The following SUCO variants were observed in gnomAD, a reference collection of about 807,000 sequenced individuals.
SUCO encodes SUN domain containing ossification factor, also known as SUN domain-containing ossification factor.
SUCO carries 57 observed loss-of-function variants against 148.1 expected under a neutral mutation model. That is an observed-to-expected ratio of 0.38 (90% CI 0.31 to 0.48). The LOEUF (loss-of-function observed/expected upper bound fraction) is 0.48, where lower values mean the gene tolerates loss of function less well. Ranked by LOEUF, SUCO falls within the 20% of genes least tolerant of loss-of-function variation. The pLI, the probability that SUCO is intolerant of heterozygous loss-of-function variation, is 0.96. For synonymous variants in SUCO, 470 were observed against 502.7 expected, an observed-to-expected ratio of 0.93 and a Z score of 0.87; for missense variants, 1,331 against 1,468.2, an observed-to-expected ratio of 0.91 and a Z score of 1.53.
upstream of SUCO, chr1:172,532,891 G>A (rs1444666942): frequency 4.1e-6 from 6 of 1,460,984 alleles, no homozygotes; most frequent in Non-Finnish European, 5.5e-6. Context: ...TGGGGCGGGC[G>A]GAGCGGCGAG....
intron 22 of SUCO, chr1:172,603,338 A>C (rs1657653149): frequency 6.6e-6 from 1 of 152,112 alleles, no homozygotes; most frequent in African/African-American, 2.4e-5. Flanking sequence ...TAATTAATGC[A>C]TATTAATAGA....
intron 11 of SUCO, among the ~76,000 whole-genome samples, chr1:172,576,514 ATTAG>A (rs1174033293): frequency 2.0e-5 from 3 of 151,654 alleles, no homozygotes; most frequent in African/African-American, 4.8e-5. Flanking sequence ...ATTCAAAATT[ATTAG>A]TTCAAAAAAA....
intron 1 of SUCO, among the ~76,000 whole-genome samples, chr1:172,546,735 C>T (rs979270201): frequency 6.6e-6 from 1 of 152,098 alleles, no homozygotes; most frequent in South Asian, 2.1e-4. Flanking sequence ...ATGGCAAAAC[C>T]CCATCTCTTC....
intron 1 of SUCO, chr1:172,543,180 G>A (rs1652615807): frequency 4.8e-6 from 1 of 210,388 alleles, no homozygotes; most frequent in Admixed American, 6.5e-5. Context: ...GCTCCTTGAA[G>A]GATAAAACTT....
chr1:172,593,385 C>T (rs570810127), intron 19 of SUCO, among the ~76,000 whole-genome samples: 39 of 152,246 alleles, frequency 2.6e-4, no homozygotes, highest in African/African-American at 9.2e-4. Flanking sequence ...AGTTTTTGTC[C>T]ATTCAGTATG....
chr1:172,580,076 AGTC>A (rs1655769766), intron 15 of SUCO, among the ~76,000 whole-genome samples: 1 of 152,200 alleles, frequency 6.6e-6, no homozygotes, highest in Non-Finnish European at 1.5e-5. Context: ...TTCAACCAGT[AGTC>A]TAAATACTTA....
chr1:172,602,516 A>G, intron 21 of SUCO, 180 bp from the exon 22 acceptor site: 2 of 983,562 alleles, frequency 2.0e-6, no homozygotes, highest in Non-Finnish European at 2.4e-6. Flanking sequence ...TTAATACAGT[A>G]CCTTTTAGAC....
chr1:172,556,854 G>A, intron 4 of SUCO: 1 of 845,700 alleles, frequency 1.2e-6, no homozygotes, highest in Non-Finnish European at 1.4e-6. Flanking sequence ...ACTGGTTAAT[G>A]AAATGGAGGT....
chr1:172,532,870 T>C, upstream of SUCO: 1 of 1,499,740 alleles, frequency 6.7e-7, no homozygotes, highest in Non-Finnish European at 8.9e-7. Context: ...AGCCAGCAAG[T>C]GGGCGGGACC....
At chr1:172,602,527 A>C (rs1657593807) in intron 21 of SUCO, 169 bp from the exon 22 acceptor site, 1 of 984,190 alleles carries the variant, frequency 1.0e-6, no homozygotes, top group African/African-American at 1.7e-5. Flanking sequence ...CCTTTTAGAC[A>C]AAGATCTCTA....
In SUCO at chr1:172,533,165, C is replaced by T. The variant is rs1202882286; in HGVS notation, c.-271C>T. The T allele has an allele frequency of 1.4e-6, 2 of 1,471,908 alleles. No individual in the cohort carries two copies. Among genetic ancestry groups the T allele is most frequent in the Non-Finnish European group, 1.8e-6 (2 of 1,115,440 alleles). The allele number at this position is 1,471,908 out of a possible 1,614,324, so 91.2% of individuals were successfully genotyped here. ...CGGGGAGGATATGGGGCGGCAGTGG[C>T]GGCTGCAGGAGGCGGGCGTGGACGA... On this transcript the variant is annotated 5_prime_UTR_variant, in exon 1 of 24. Coordinates refer to ENST00000263688, the MANE Select transcript of SUCO (RefSeq NM_014283.5).
intron 22 of SUCO, among the ~76,000 whole-genome samples, chr1:172,605,682 A>G (rs1657824677): frequency 6.6e-6 from 1 of 151,864 alleles, no homozygotes; most frequent in Non-Finnish European, 1.5e-5. Flanking sequence ...AACTTTCTAT[A>G]TAAGCAGTGT....
intron 6 of SUCO, among the ~76,000 whole-genome samples, chr1:172,565,237 A>G (rs770938731): frequency 3.3e-5 from 5 of 152,218 alleles, no homozygotes; most frequent in African/African-American, 4.8e-5. Context: ...GAAAATAGGT[A>G]GCCACTTGTT....
intron 1 of SUCO, among the ~76,000 whole-genome samples, chr1:172,540,824 A>G (rs1050263379): frequency 6.6e-6 from 1 of 152,146 alleles, no homozygotes; most frequent in African/African-American, 2.4e-5. Flanking sequence ...AGAGTTATGA[A>G]TGGAAGAGAT....
At chr1:172,569,425 G>A (rs1654784433) in intron 7 of SUCO, 1 of 980,042 alleles carries the variant, frequency 1.0e-6, no homozygotes, top group Non-Finnish European at 1.2e-6. Flanking sequence ...ATTGAGGCAT[G>A]GAAACTATTT....
intron 22 of SUCO, 22 bp from the exon 23 acceptor site, chr1:172,608,725 T>TA (rs769868166): frequency 6.3e-6 from 1 of 159,746 alleles, no homozygotes. Flanking sequence ...TTACATCTGC[T>TA]TTTTTTTTTT....
Position 172,610,101 on chromosome 1 carries a change from A to C in SUCO, c.3607A>C (p.Lys1203Gln), listed in dbSNP as rs778942351. 6.2e-7 allele frequency: 1 copy of C among 1,613,824 alleles called. No individual in the cohort carries two copies. Among genetic ancestry groups the C allele is most frequent in the Non-Finnish European group, 8.5e-7 (1 of 1,179,830 alleles). ...GACAAAAACTGAGAAGAGGGCTTTA[A>C]AACGAAGACGATCTAAAGTCCAAGA... ...QKTKTEKRAL[K>Q]RRRSKVQDQG... The change falls in exon 24 of 24, where the codon AAA becomes CAA. Residue 1203 changes from lysine to glutamine, a missense_variant. Transcript: ENST00000263688.
At chr1:172,545,869 T>A (rs1294021279) in intron 1 of SUCO, among the ~76,000 whole-genome samples, 1 of 152,210 alleles carries the variant, frequency 6.6e-6, no homozygotes, top group African/African-American at 2.4e-5. Flanking sequence ...GCATATAGGC[T>A]GGCCTGCCTG....
chr1:172,542,230 A>T (rs1652516085), intron 1 of SUCO, among the ~76,000 whole-genome samples: 1 of 152,040 alleles, frequency 6.6e-6, no homozygotes, highest in African/African-American at 2.4e-5. Flanking sequence ...AAAAAATAGA[A>T]AATTAGCCGG....
Sources: gnomAD v4.1 joint callset for allele counts (sites outside exome capture counted in the v4.1 genomes callset) on GRCh38, gnomAD v4.1.1 for gene constraint, MANE v1.5 for transcripts, NCBI Gene and HGNC (gene_info 2026-07-23, HGNC 2026-07-21) for gene names.